MCTP1: variants seen among roughly 807,000 people sequenced by gnomAD.
MCTP1 encodes multiple C2 and transmembrane domain containing 1.
MCTP1 carries 69 observed loss-of-function variants against 120.6 expected under a neutral mutation model. That is an observed-to-expected ratio of 0.57 (90% CI 0.47 to 0.70). The LOEUF (loss-of-function observed/expected upper bound fraction) is 0.70. MCTP1 is among the 30% of genes least tolerant of loss of function. The pLI is 0.00. For missense variants in MCTP1, 1,203 were observed against 1,248.8 expected (o/e 0.96, Z 0.55); for synonymous variants, 529 against 493.1 (o/e 1.07, Z -0.96).
At chr5:94,787,516 T>C (rs933950218) in intron 18 of MCTP1, among the ~76,000 whole-genome samples, 2 of 152,172 alleles carry the variant, frequency 1.3e-5, no homozygotes, top group African/African-American at 2.4e-5. Context: ...AAGGGAACTC[T>C]TCAAGAGAGA....
Position 94,888,949 on chromosome 5 carries a change from G to C in MCTP1, c.1863C>G (p.Asn621Lys), listed in dbSNP as rs763163641. The change falls in exon 12 of 23, where the codon AAC becomes AAG. Residue 621 changes from asparagine to lysine, a missense_variant. Physicochemically the swap from Asn to Lys is moderately conservative, Grantham distance 94. Around this residue, in one of 2 missense-constraint regions of MCTP1, gnomAD observed 740 missense variants for 871.1 expected, o/e 0.85. Coordinates refer to ENST00000515393, the MANE Select transcript of MCTP1 (RefSeq NM_024717.7). ...CCTGGAGAAATCCCACATCTTTCAGGTTGTGAAATATCCTCAATGGGCTCT... is the reference window on the plus strand; with the variant it reads ...CCTGGAGAAATCCCACATCTTTCAGCTTGTGAAATATCCTCAATGGGCTCT... Reference protein sequence around the residue: ...KRYSPLRIFHNLKDVGFLQVK... With the variant: ...KRYSPLRIFHKLKDVGFLQVK... 6.2e-7 allele frequency: 1 copy of C among 1,613,628 alleles called. No homozygotes were observed. The highest frequency in any genetic ancestry group is 8.5e-7 in the Non-Finnish European group (1 of 1,179,608).
intron 1 of MCTP1, among the ~76,000 whole-genome samples, chr5:95,238,727 T>C (rs907913632): frequency 5.3e-5 from 8 of 152,120 alleles, no homozygotes; most frequent in African/African-American, 1.9e-4. Flanking sequence ...TTCCAATTAG[T>C]CCTTAAAATT....
chr5:95,275,404 G>A (rs1759747806), intron 1 of MCTP1, among the ~76,000 whole-genome samples: 1 of 152,108 alleles, frequency 6.6e-6, no homozygotes, highest in Non-Finnish European at 1.5e-5. Context: ...CAGAGGGCAG[G>A]GGCTCCCTGG....
chr5:94,843,599 T>C (rs1791617689), intron 17 of MCTP1, among the ~76,000 whole-genome samples: 2 of 152,350 alleles, frequency 1.3e-5, no homozygotes, highest in Admixed American at 6.5e-5. Flanking sequence ...TAAACATCTT[T>C]CAAAAAAACA....
At chr5:95,283,476 C>T (rs1458896972) in intron 1 of MCTP1, among the ~76,000 whole-genome samples, 2 of 152,244 alleles carry the variant, frequency 1.3e-5, no homozygotes, top group Non-Finnish European at 2.9e-5. Context: ...CCTCTCCACA[C>T]CACCACACGT....
chr5:94,923,025 C>T (rs293049), intron 7 of MCTP1, among the ~76,000 whole-genome samples: 33,664 of 139,748 alleles, frequency 0.24, 4,335 homozygotes, highest in East Asian at 0.52. Context: ...AAAAAAAGTG[C>T]ATGTGCATTC....
chr5:95,037,788 T>G (rs1841611952), intron 1 of MCTP1, among the ~76,000 whole-genome samples: 1 of 152,118 alleles, frequency 6.6e-6, no homozygotes, highest in Non-Finnish European at 1.5e-5. Context: ...GAGAATCGCG[T>G]GAACCCATGA....
chr5:94,721,805 G>A (rs184473025), intron 19 of MCTP1, among the ~76,000 whole-genome samples: 1 of 145,270 alleles, frequency 6.9e-6, no homozygotes, highest in Admixed American at 7.0e-5. Flanking sequence ...AAATATCATA[G>A]AGTAGTTAAT....
At chr5:94,971,517 G>T (rs1389241003) in intron 2 of MCTP1, among the ~76,000 whole-genome samples, 2 of 152,044 alleles carry the variant, frequency 1.3e-5, no homozygotes, top group Admixed American at 6.6e-5. Context: ...TATTGCTAAA[G>T]GTCAATAATC....
Position 95,284,429 on chromosome 5 carries a change from G to C in MCTP1, c.147C>G (p.Arg49=). ...GGGAGGGCGACGGGGTGTCCGCAGT[G>C]CGGCGCTCTGGACCCCCAGCGCGCC... ...GGGRAGGPER[R]TADTPSPSPP... is the part of the protein sequence containing the mutation. Residue 49 remains arginine (R), a synonymous_variant, in exon 1 of 23, where the codon CGC becomes CGG. Coordinates refer to ENST00000515393, the MANE Select transcript of MCTP1 (RefSeq NM_024717.7). This position sits in a 1 kb window ranked among gnomAD's most constrained non-coding sequence, Gnocchi z 5.2. 6.4e-7 allele frequency: 1 copy of C among 1,552,668 alleles called. No individual in the cohort carries two copies.
intron 1 of MCTP1, among the ~76,000 whole-genome samples, chr5:95,027,351 G>A (rs924619853): frequency 1.3e-5 from 2 of 152,246 alleles, no homozygotes; most frequent in African/African-American, 4.8e-5. Flanking sequence ...ACTAAGGGCA[G>A]ACAGTGAGCA....
intron 20 of MCTP1, among the ~76,000 whole-genome samples, chr5:94,712,434 G>A (rs1647676839): frequency 6.6e-6 from 1 of 151,098 alleles, no homozygotes; most frequent in Non-Finnish European, 1.5e-5. Context: ...TTTTTTTCAG[G>A]GCAATTTTGA....
chr5:94,930,267 A>AT (rs869306266), intron 6 of MCTP1, among the ~76,000 whole-genome samples: 25,016 of 101,018 alleles, frequency 0.25, 3,546 homozygotes, highest in South Asian at 0.42. Flanking sequence ...TTAAAGAAGA[A>AT]TTTTTTTTTT....
intron 1 of MCTP1, among the ~76,000 whole-genome samples, chr5:95,203,715 T>A (rs374841804): frequency 1.3e-5 from 2 of 152,212 alleles, no homozygotes; most frequent in East Asian, 3.9e-4. Context: ...ACTGCCAAAG[T>A]GAAGGAAAAA....
At chr5:94,911,284 T>C (rs1808498100) in intron 9 of MCTP1, among the ~76,000 whole-genome samples, 1 of 152,130 alleles carries the variant, frequency 6.6e-6, no homozygotes, top group Non-Finnish European at 1.5e-5. Context: ...ATAACATCTG[T>C]AAAAACTGAC....
At chr5:94,732,952 A>G (rs1171589335) in intron 19 of MCTP1, among the ~76,000 whole-genome samples, 1 of 152,218 alleles carries the variant, frequency 6.6e-6, no homozygotes, top group Non-Finnish European at 1.5e-5. Flanking sequence ...GGTATGGTTT[A>G]TAAAATTATT....
At chr5:95,281,022 A>C (rs1760273031) in intron 1 of MCTP1, among the ~76,000 whole-genome samples, 1 of 152,234 alleles carries the variant, frequency 6.6e-6, no homozygotes, top group African/African-American at 2.4e-5. Flanking sequence ...AGAGAACAAG[A>C]GAAAAAATTA....
At position 94,870,900 on chromosome 5, in the gene MCTP1, T is replaced by G. The variant is rs977067020; in HGVS notation, c.2213A>C (p.Tyr738Ser). 2.5e-6 allele frequency: 4 copies of G among 1,613,092 alleles called. No individual in the cohort carries two copies. Among genetic ancestry groups the G allele is most frequent in the Non-Finnish European group, 3.4e-6 (4 of 1,179,284 alleles). Residue 738 changes from tyrosine (Y) to serine (S), a missense_variant, in exon 15 of 23, where the codon TAT (tyrosine) becomes TCT (serine). Physicochemically the swap from Tyr to Ser is moderately radical, Grantham distance 144 (BLOSUM62 -2). Around this residue, in one of 2 missense-constraint regions of MCTP1, gnomAD observed 740 missense variants for 871.1 expected, o/e 0.85. Coordinates refer to ENST00000515393, the MANE Select transcript of MCTP1 (RefSeq NM_024717.7). Reference protein sequence around the residue: ...QLTGPTKGVIYLEIDVIFNAV... With the variant: ...QLTGPTKGVISLEIDVIFNAV... Reference sequence around the variant, plus strand: ...ATTAAAAATCACATCTATTTCAAGATAGATGACCCCCTTTGTTGGCCCTGT... The same window carrying G: ...ATTAAAAATCACATCTATTTCAAGAGAGATGACCCCCTTTGTTGGCCCTGT...
chr5:94,912,184 TG>T (rs1157673193), intron 9 of MCTP1, among the ~76,000 whole-genome samples: 1 of 151,984 alleles, frequency 6.6e-6, no homozygotes, highest in Non-Finnish European at 1.5e-5. Context: ...GCTACACTCT[TG>T]GGAGGCCAAA....
Sources: allele counts gnomAD v4.1 joint callset (sites outside exome capture counted in the v4.1 genomes callset), GRCh38; gene constraint gnomAD v4.1.1; regional missense constraint gnomAD v4.1.1; non-coding constraint Gnocchi (gnomAD v3.1); transcripts MANE v1.5; gene names NCBI Gene and HGNC (gene_info 2026-07-23, HGNC 2026-07-21).